Variants in TYW1 observed in about 807,000 individuals in gnomAD.
TYW1 encodes tRNA-yW synthesizing protein 1 homolog.
In TYW1, 46 loss-of-function variants were observed where a neutral mutation model predicts 96.2. The ratio of observed to expected loss-of-function variants is 0.48; its 90% CI spans 0.38 to 0.61. The LOEUF (loss-of-function observed/expected upper bound fraction) is 0.61, where lower values mean the gene tolerates loss of function less well. TYW1 is among the 20% of genes least tolerant of loss of function. The pLI is 0.00. For synonymous variants in TYW1, 274 were observed against 323.0 expected, an observed-to-expected ratio of 0.85 and a Z score of 1.63; for missense variants, 684 against 909.6, an observed-to-expected ratio of 0.75 and a Z score of 3.19.
intron 13 of TYW1, among the ~76,000 whole-genome samples, chr7:67,133,135 G>C (rs1300617460): frequency 6.6e-6 from 1 of 152,026 alleles, no homozygotes; most frequent in Non-Finnish European, 1.5e-5. Context: ...GTTAGTTGTT[G>C]ATTCTATTTT....
chr7:67,186,056 G>A (rs192532783), intron 14 of TYW1, among the ~76,000 whole-genome samples: 5,742 of 142,908 alleles, frequency 0.04, 171 homozygotes, highest in Middle Eastern at 0.1. Flanking sequence ...GGCTACTCTT[G>A]GCAGGAGCTC....
intron 11 of TYW1, among the ~76,000 whole-genome samples, chr7:67,089,863 G>A (rs1226744849): frequency 1.3e-5 from 2 of 152,110 alleles, no homozygotes; most frequent in Non-Finnish European, 1.5e-5. Flanking sequence ...GTGCCACTCA[G>A]CGTCTATTCA....
chr7:66,999,273 A>G (rs914714603), intron 3 of TYW1, among the ~76,000 whole-genome samples: 5 of 152,186 alleles, frequency 3.3e-5, no homozygotes, highest in African/African-American at 7.2e-5. Context: ...GCCCATGGGT[A>G]TGGAAGTAGG....
chr7:67,192,036 C>T (rs1800235586), intron 14 of TYW1, among the ~76,000 whole-genome samples: 1 of 151,780 alleles, frequency 6.6e-6, no homozygotes, highest in Non-Finnish European at 1.5e-5. Context: ...GCTGGGATTA[C>T]AGGCGGGCAC....
intron 12 of TYW1, among the ~76,000 whole-genome samples, chr7:67,105,464 T>A (rs1215221491): frequency 6.6e-6 from 1 of 152,240 alleles, no homozygotes; most frequent in African/African-American, 2.4e-5. Flanking sequence ...ACAGCCTGTT[T>A]ATCACTTTTT....
chr7:67,141,950 G>A (rs1050393032), intron 13 of TYW1, among the ~76,000 whole-genome samples: 4 of 152,184 alleles, frequency 2.6e-5, no homozygotes, highest in Non-Finnish European at 2.9e-5. Context: ...CAGGAGAATC[G>A]CTTGAACCCG....
At chr7:67,076,072 G>A (rs762311662) in intron 10 of TYW1, among the ~76,000 whole-genome samples, 2 of 152,148 alleles carry the variant, frequency 1.3e-5, no homozygotes, top group Admixed American at 6.5e-5. Flanking sequence ...TTTATTCGGA[G>A]GTGTTTTTAC....
chr7:67,176,236 TATAAA>T (rs1427734784), intron 13 of TYW1, among the ~76,000 whole-genome samples: 1 of 152,218 alleles, frequency 6.6e-6, no homozygotes, highest in Non-Finnish European at 1.5e-5. Context: ...TATTGAAAAC[TATAAA>T]ATATTATTGA....
At chr7:67,185,327 A>G (rs1403859735) in intron 14 of TYW1, among the ~76,000 whole-genome samples, 3 of 151,850 alleles carry the variant, frequency 2.0e-5, no homozygotes, top group Non-Finnish European at 4.4e-5. Context: ...CTGCTGCAGC[A>G]TGGCTTGGTT....
chr7:67,150,224 G>A (rs988999301), intron 13 of TYW1, among the ~76,000 whole-genome samples: 2 of 152,132 alleles, frequency 1.3e-5, no homozygotes, highest in Non-Finnish European at 2.9e-5. Flanking sequence ...AGGGATTAGA[G>A]GAAAGCTAGA....
chr7:67,199,340 G>A (rs942703577), intron 15 of TYW1, among the ~76,000 whole-genome samples: 6 of 152,128 alleles, frequency 3.9e-5, no homozygotes, highest in Non-Finnish European at 7.4e-5. Context: ...CTTGGTACCC[G>A]GTGTCCACAT....
Position 66,999,717 on chromosome 7 carries a change from G to T in TYW1, c.273+763G>T, listed in dbSNP as rs543864981. On this transcript the variant is annotated intron_variant, in intron 3 of 15. Transcript: ENST00000359626. Reference sequence around the variant, plus strand: ...TCTAATAGTGCTAAAAGTGTTAAAGGTAGACACTAAAGTAAATACAGCTGA... The same window carrying T: ...TCTAATAGTGCTAAAAGTGTTAAAGTTAGACACTAAAGTAAATACAGCTGA... Among the ~76,000 whole-genome samples, 8 of 152,256 alleles carry T rather than the reference G, an allele frequency of 5.3e-5. No individual in the cohort carries two copies. The East Asian group carries it at 9.6e-4, about 18-fold the overall frequency.
At chr7:67,051,246 A>G (rs909234758) in intron 8 of TYW1, among the ~76,000 whole-genome samples, 19 of 152,162 alleles carry the variant, frequency 1.2e-4, no homozygotes, top group Non-Finnish European at 2.6e-4. Flanking sequence ...AGAACCTTAC[A>G]GTACTATACT....
At chr7:67,113,678 G>A (rs1041990809) in intron 12 of TYW1, among the ~76,000 whole-genome samples, 9 of 143,338 alleles carry the variant, frequency 6.3e-5, no homozygotes, top group Non-Finnish European at 1.2e-4. Context: ...TTGCTCTGTT[G>A]CCCAGGCTGG....
chr7:67,174,802 T>C (rs2116273662), intron 13 of TYW1, among the ~76,000 whole-genome samples: 1 of 151,896 alleles, frequency 6.6e-6, no homozygotes, highest in African/African-American at 2.4e-5. Context: ...ATGGTACAAA[T>C]AAGTAATGTT....
At chr7:67,210,102 T>C (rs1174959772) in intron 15 of TYW1, among the ~76,000 whole-genome samples, 1 of 152,208 alleles carries the variant, frequency 6.6e-6, no homozygotes, top group African/African-American at 2.4e-5. Context: ...CTTTTTCTGT[T>C]CTAGGATCCC....
intron 13 of TYW1, among the ~76,000 whole-genome samples, chr7:67,144,199 G>GT (rs1417269908): frequency 2.0e-5 from 3 of 152,176 alleles, no homozygotes; most frequent in Non-Finnish European, 4.4e-5. Context: ...ATTTGAGAAA[G>GT]TATCTTTTAT....
At chr7:67,142,211 T>A (rs1798471866) in intron 13 of TYW1, among the ~76,000 whole-genome samples, 3 of 145,926 alleles carry the variant, frequency 2.1e-5, no homozygotes, top group Admixed American at 2.0e-4. Flanking sequence ...TCCTCCCACC[T>A]CAGTTGCCGG....
At chr7:67,230,419 CTA>C in intron 15 of TYW1, among the ~76,000 whole-genome samples, 1 of 149,690 alleles carries the variant, frequency 6.7e-6, no homozygotes, top group South Asian at 2.1e-4. Flanking sequence ...TGTCAAAATT[CTA>C]CATGGACAGT....
Sources: allele counts gnomAD v4.1 joint callset (sites outside exome capture counted in the v4.1 genomes callset), GRCh38; gene constraint gnomAD v4.1.1; transcripts MANE v1.5; gene names NCBI Gene and HGNC (gene_info 2026-07-23, HGNC 2026-07-21).